Variants in NAV3 observed in about 807,000 individuals in gnomAD.
NAV3 encodes the protein pore membrane and/or filament interacting like protein 1.
Under a neutral mutation model 244.7 loss-of-function variants are expected in NAV3, and 87 were observed. That is an observed-to-expected ratio of 0.36 (90% CI 0.30 to 0.42). The LOEUF is 0.42. Among genes scored for constraint, NAV3 ranks in the 20% least tolerant of loss-of-function variants. NAV3 has a pLI of 1.00. For missense variants in NAV3, 2,663 were observed against 2,893.3 expected, an observed-to-expected ratio of 0.92 and a Z score of 1.83; for synonymous variants, 1,126 against 1,042.2, an observed-to-expected ratio of 1.08 and a Z score of -1.55.
At chr12:77,749,602 G>T (rs7968085) in intron 2 of NAV3, among the ~76,000 whole-genome samples, 4 of 151,834 alleles carry the variant, frequency 2.6e-5, no homozygotes, top group Admixed American at 6.6e-5. Flanking sequence ...TTTTGAAAAG[G>T]TTCAGCTAGG....
At chr12:77,771,764 G>T (rs1389304676) in intron 2 of NAV3, among the ~76,000 whole-genome samples, 6 of 152,086 alleles carry the variant, frequency 3.9e-5, no homozygotes, top group Non-Finnish European at 7.4e-5. Flanking sequence ...GGCTGTTGTG[G>T]GGTTGGGGGA....
intron 2 of NAV3, among the ~76,000 whole-genome samples, chr12:77,674,307 C>T (rs1874113128): frequency 6.6e-6 from 1 of 152,120 alleles, no homozygotes; most frequent in Non-Finnish European, 1.5e-5. Flanking sequence ...CTTAATTACA[C>T]ATTCTGAATT....
chr12:77,957,736 C>T (rs1226568951), intron 3 of NAV3, among the ~76,000 whole-genome samples: 1 of 151,966 alleles, frequency 6.6e-6, no homozygotes, highest in Admixed American at 6.6e-5. Flanking sequence ...GTGATCTCGG[C>T]TCGCTGCAAC....
At chr12:77,771,099 C>A (rs1328650792) in intron 2 of NAV3, among the ~76,000 whole-genome samples, 1 of 152,038 alleles carries the variant, frequency 6.6e-6, no homozygotes, top group Non-Finnish European at 1.5e-5. Context: ...AAAAAGTGGG[C>A]GAAGGATATG....
intron 2 of NAV3, among the ~76,000 whole-genome samples, chr12:77,661,583 G>T (rs1440098761): frequency 6.6e-6 from 1 of 151,976 alleles, no homozygotes; most frequent in Non-Finnish European, 1.5e-5. Flanking sequence ...TTCTTTGATG[G>T]ATCATGCCTT....
At chr12:77,595,926 C>A (rs1416627746) in intron 2 of NAV3, among the ~76,000 whole-genome samples, 1 of 152,160 alleles carries the variant, frequency 6.6e-6, no homozygotes, top group Non-Finnish European at 1.5e-5. Flanking sequence ...TTTGCCTAGA[C>A]ATAAATATTA....
intron 5 of NAV3, among the ~76,000 whole-genome samples, chr12:77,970,103 G>A (rs1593155239): frequency 6.6e-6 from 1 of 152,206 alleles, no homozygotes; most frequent in African/African-American, 2.4e-5. Flanking sequence ...AACAATGACT[G>A]GGGTATTGGT....
intron 12 of NAV3, among the ~76,000 whole-genome samples, chr12:78,059,341 T>G (rs1279258076): frequency 6.6e-6 from 1 of 152,052 alleles, no homozygotes; most frequent in East Asian, 1.9e-4. Flanking sequence ...CAGGCTGGAG[T>G]GCAATGGTGC....
At chr12:77,928,240 AAAAG>A (rs1369755051) in intron 1 of NAV3, among the ~76,000 whole-genome samples, 19 of 151,188 alleles carry the variant, frequency 1.3e-4, no homozygotes, top group African/African-American at 4.4e-4. Context: ...AAAAAAAAAA[AAAAG>A]AGAGAGAGGG....
rs570457376 is a variant in NAV3 at position 77,890,795 on chromosome 12, A to T, written c.244-49524A>T. Among the ~76,000 whole-genome samples, 10 of 152,326 alleles carry T rather than the reference A, an allele frequency of 6.6e-5. No individual in the cohort carries two copies. In the South Asian group the frequency reaches 2.1e-3, roughly 32 times the overall value. On this transcript the variant is annotated intron_variant, in intron 1 of 39. Transcript: ENST00000397909. ...ATAAGTATTCATTGAATATGTGTAA[A>T]CATCTCACACAGCTATCTGTAAACT...
intron 28 of NAV3, among the ~76,000 whole-genome samples, chr12:78,178,367 G>T (rs1038752700): frequency 2.0e-5 from 3 of 151,684 alleles, no homozygotes; most frequent in Non-Finnish European, 4.4e-5. Flanking sequence ...CACCATGTTG[G>T]CCAGGCTGGT....
intron 8 of NAV3, among the ~76,000 whole-genome samples, chr12:78,011,460 G>A (rs1391619912): frequency 1.3e-5 from 2 of 151,950 alleles, no homozygotes; most frequent in African/African-American, 4.8e-5. Context: ...AAAAAAAGAG[G>A]GTTTTTTACA....
chr12:77,987,044 A>T (rs1033737440), intron 5 of NAV3, among the ~76,000 whole-genome samples: 10 of 152,190 alleles, frequency 6.6e-5, no homozygotes, highest in Non-Finnish European at 7.4e-5. Context: ...TAATTATTTT[A>T]ACCTTTAAAA....
intron 2 of NAV3, among the ~76,000 whole-genome samples, chr12:77,768,322 A>G (rs1217487336): frequency 6.6e-6 from 1 of 152,122 alleles, no homozygotes; most frequent in Non-Finnish European, 1.5e-5. Context: ...TTCACCAGGC[A>G]CCTGACCCTT....
intron 1 of NAV3, among the ~76,000 whole-genome samples, chr12:77,846,535 G>A (rs978940274): frequency 6.6e-6 from 1 of 152,128 alleles, no homozygotes; most frequent in African/African-American, 2.4e-5. Flanking sequence ...AAACTGGGAT[G>A]ATTGGTTACT....
chr12:77,589,860 G>A (rs1869825271), intron 2 of NAV3, among the ~76,000 whole-genome samples: 1 of 152,182 alleles, frequency 6.6e-6, no homozygotes, highest in African/African-American at 2.4e-5. Context: ...CGTTAGCCTG[G>A]ATTTGGACAC....
At chr12:78,177,359 A>G in intron 27 of NAV3, 46 bp downstream of exon 27, 1 of 1,576,428 alleles carries the variant, frequency 6.3e-7, no homozygotes, top group Non-Finnish European at 8.6e-7. Flanking sequence ...TTTAAAAACA[A>G]TTTTAGATGA....
chr12:78,080,741 C>A (rs1953302769), intron 12 of NAV3, among the ~76,000 whole-genome samples: 1 of 152,180 alleles, frequency 6.6e-6, no homozygotes, highest in African/African-American at 2.4e-5. Context: ...ACCCTGGACT[C>A]TTTTCTCCTA....
chr12:78,179,098 A>C (rs1006586734), intron 28 of NAV3, among the ~76,000 whole-genome samples: 8 of 151,984 alleles, frequency 5.3e-5, no homozygotes, highest in Non-Finnish European at 1.0e-4. Flanking sequence ...TTTTTTGCAC[A>C]ATTTTACAAA....
Sources: allele counts gnomAD v4.1 joint callset (sites outside exome capture counted in the v4.1 genomes callset), GRCh38; gene constraint gnomAD v4.1.1; transcripts MANE v1.5; gene names NCBI Gene and HGNC (gene_info 2026-07-23, HGNC 2026-07-21).